The following RANBP2 variants were observed in gnomAD, a reference collection of about 807,000 sequenced individuals.
RANBP2 encodes the protein E3 SUMO-protein ligase RanBP2.
RANBP2 carries 57 observed loss-of-function variants against 303.6 expected under a neutral mutation model. The ratio of observed to expected loss-of-function variants is 0.19; its 90% CI spans 0.15 to 0.23. The LOEUF is 0.23. RANBP2 is among the 10% of genes least tolerant of loss of function. RANBP2 has a pLI of 1.00. For missense variants in RANBP2, 3,138 were observed against 3,780.8 expected (o/e 0.83, Z 4.46); for synonymous variants, 1,167 against 1,301.5 (o/e 0.90, Z 2.23).
At chr2:109,078,732 C>T in the RANBP2 span, among the ~76,000 whole-genome samples, 1 of 149,856 alleles carries the variant, frequency 6.7e-6, no homozygotes, top group Non-Finnish European at 1.5e-5. Context: ...CCTGTAATCC[C>T]AGCACTTTGG....
At chr2:109,485,465 T>G in the RANBP2 span, among the ~76,000 whole-genome samples, 4 of 152,254 alleles carry the variant, frequency 2.6e-5, no homozygotes, top group African/African-American at 7.2e-5. Context: ...AATCTTAATT[T>G]AAGCTTTCAA....
chr2:108,741,444 C>T (rs1376546780), intron 7 of RANBP2, among the ~76,000 whole-genome samples: 1 of 149,684 alleles, frequency 6.7e-6, no homozygotes, highest in Non-Finnish European at 1.5e-5. Flanking sequence ...GATCTGCCTG[C>T]CTTGGTCTCC....
the RANBP2 span, among the ~76,000 whole-genome samples, chr2:108,990,100 A>G: frequency 1.3e-5 from 2 of 152,318 alleles, no homozygotes; most frequent in South Asian, 4.1e-4. Flanking sequence ...GTTTGGGATC[A>G]GCCTGGCCAA....
the RANBP2 span, among the ~76,000 whole-genome samples, chr2:109,610,561 A>G: frequency 1.3e-5 from 2 of 152,148 alleles, no homozygotes; most frequent in Non-Finnish European, 2.9e-5. Flanking sequence ...CTAAAAATAC[A>G]AAAAATTAGC....
At chr2:108,742,430 C>T (rs1208369450) in intron 7 of RANBP2, among the ~76,000 whole-genome samples, 3 of 152,002 alleles carry the variant, frequency 2.0e-5, no homozygotes, top group Admixed American at 6.6e-5. Context: ...CAGCCTGTCA[C>T]GTATCTGGGA....
At chr2:109,216,916 A>C in the RANBP2 span, among the ~76,000 whole-genome samples, 5 of 152,184 alleles carry the variant, frequency 3.3e-5, no homozygotes, top group African/African-American at 1.2e-4. Flanking sequence ...TCCCAAACCG[A>C]AATTCTGTCC....
the RANBP2 span, among the ~76,000 whole-genome samples, chr2:109,641,608 T>A: frequency 3.3e-5 from 5 of 152,036 alleles, no homozygotes; most frequent in African/African-American, 1.2e-4. Context: ...CAAAAAGGAG[T>A]TATTTTTAAT....
chr2:109,726,198 C>G, the RANBP2 span, among the ~76,000 whole-genome samples: 2 of 151,472 alleles, frequency 1.3e-5, no homozygotes, highest in African/African-American at 4.8e-5. Flanking sequence ...CACTTGAGGT[C>G]AGAAATTCGA....
chr2:109,250,463 A>G, the RANBP2 span, among the ~76,000 whole-genome samples: 1 of 151,954 alleles, frequency 6.6e-6, no homozygotes, highest in Non-Finnish European at 1.5e-5. Flanking sequence ...CGGAAAACTT[A>G]CCAGGTTTAA....
chr2:109,732,564 C>T, the RANBP2 span, among the ~76,000 whole-genome samples: 36 of 132,354 alleles, frequency 2.7e-4, 1 homozygote, highest in Admixed American at 1.9e-3. Context: ...CTGCAACCTC[C>T]GCCTCCCAGG....
chr2:109,057,422 T>C, the RANBP2 span, among the ~76,000 whole-genome samples: 1 of 152,236 alleles, frequency 6.6e-6, no homozygotes. Flanking sequence ...TCCTTGACTC[T>C]GACATTTACG....
the RANBP2 span, among the ~76,000 whole-genome samples, chr2:109,428,002 C>T: frequency 6.6e-6 from 1 of 152,260 alleles, no homozygotes; most frequent in Admixed American, 6.5e-5. Context: ...CCTGCTTCAG[C>T]CCTTCCACAG....
the RANBP2 span, among the ~76,000 whole-genome samples, chr2:109,535,470 T>C: frequency 6.6e-6 from 1 of 152,168 alleles, no homozygotes; most frequent in East Asian, 1.9e-4. Flanking sequence ...TGGTGTCCTG[T>C]GACTGTACTA....
At chr2:108,944,791 A>G in the RANBP2 span, among the ~76,000 whole-genome samples, 3 of 152,160 alleles carry the variant, frequency 2.0e-5, no homozygotes, top group Non-Finnish European at 4.4e-5. Flanking sequence ...TCACAGAGTC[A>G]AGGGAGAAGG....
chr2:109,636,592 C>T, the RANBP2 span, among the ~76,000 whole-genome samples: 23 of 152,210 alleles, frequency 1.5e-4, no homozygotes, highest in African/African-American at 5.1e-4. Flanking sequence ...CAGACTTCTG[C>T]TATGAAGGCC....
At chr2:109,400,269 C>T in the RANBP2 span, among the ~76,000 whole-genome samples, 2 of 151,712 alleles carry the variant, frequency 1.3e-5, no homozygotes, top group African/African-American at 4.8e-5. Flanking sequence ...ACATGCCCGC[C>T]CGCACATATG....
chr2:109,300,535 A>G, the RANBP2 span, among the ~76,000 whole-genome samples: 1 of 152,164 alleles, frequency 6.6e-6, no homozygotes, highest in East Asian at 1.9e-4. Flanking sequence ...ACATGAATCC[A>G]TGCTCCAGAG....
At chr2:109,023,771 C>T in the RANBP2 span, among the ~76,000 whole-genome samples, 7 of 152,122 alleles carry the variant, frequency 4.6e-5, no homozygotes, top group East Asian at 3.9e-4. Context: ...TTTGCCCTAT[C>T]GCTCTCCAGC....
the RANBP2 span, among the ~76,000 whole-genome samples, chr2:109,239,237 C>T: frequency 1.3e-5 from 2 of 151,996 alleles, no homozygotes; most frequent in South Asian, 4.2e-4. Flanking sequence ...ATACGGATGG[C>T]AAACAGCTCA....
Sources: gnomAD v4.1 joint callset for allele counts (sites outside exome capture counted in the v4.1 genomes callset) on GRCh38, gnomAD v4.1.1 for gene constraint, MANE v1.5 for transcripts, NCBI Gene and HGNC (gene_info 2026-07-23, HGNC 2026-07-21) for gene names.